Variants in MED13L observed in about 807,000 individuals in gnomAD.
MED13L encodes the protein mediator complex subunit 13L.
A neutral mutation model predicts 220.9 loss-of-function variants in MED13L; 7 were observed. The ratio of observed to expected loss-of-function variants is 0.03; its 90% CI spans 0.02 to 0.06. The LOEUF (loss-of-function observed/expected upper bound fraction) is 0.06, where lower values mean the gene tolerates loss of function less well. Among genes scored for constraint, MED13L ranks in the 10% least tolerant of loss-of-function variants. MED13L has a pLI of 1.00. For missense variants in MED13L, 1,965 were observed against 2,760.5 expected (o/e 0.71, Z 6.46); for synonymous variants, 1,011 against 1,015.2 (o/e 1.00, Z 0.08).
chr12:116,276,199 G>A (rs925681909), intron 1 of MED13L, among the ~76,000 whole-genome samples: 1 of 152,082 alleles, frequency 6.6e-6, no homozygotes, highest in Non-Finnish European at 1.5e-5. Flanking sequence ...CAAGATTAAG[G>A]CAGGCGATTC....
At chr12:116,151,231 T>C (rs955392186) in intron 2 of MED13L, among the ~76,000 whole-genome samples, 21 of 152,110 alleles carry the variant, frequency 1.4e-4, no homozygotes, top group African/African-American at 4.8e-4. Flanking sequence ...TTATTGAAAA[T>C]AAATGTGTAT....
At chr12:115,978,077 T>C (rs919849194) in intron 23 of MED13L, among the ~76,000 whole-genome samples, 4 of 151,902 alleles carry the variant, frequency 2.6e-5, no homozygotes, top group Non-Finnish European at 4.4e-5. Flanking sequence ...AATTAGACCC[T>C]GTCTAAAAAA....
At position 115,991,029 on chromosome 12, in the gene MED13L, G is replaced by A. The variant is rs772269374; in HGVS notation, c.3925C>T (p.His1309Tyr). Reference protein sequence around the residue: ...VRSATVHSWPHSNVLDISMLS... With the variant: ...VRSATVHSWPYSNVLDISMLS... ...GTTCTGGGACACCTACCATTGCTGT[G>A]AGGCCAAGAGTGCACAGTGGCACTT... Residue 1309 changes from histidine to tyrosine, a missense_variant, in exon 17 of 31, where the codon CAC becomes TAC. Around this residue, in one of 10 missense-constraint regions of MED13L, gnomAD observed 165 missense variants for 190.8 expected, o/e 0.86. Transcript: ENST00000281928. This position sits in a 1 kb window ranked among gnomAD's most constrained non-coding sequence, Gnocchi z 7.7. 1.2e-6 allele frequency: 2 copies of A among 1,613,864 alleles called. No individual in the cohort carries two copies. The highest frequency in any genetic ancestry group is 2.7e-5 in the African/African-American group (2 of 75,036).
At chr12:116,016,535 T>C (rs1211995814) in intron 7 of MED13L, among the ~76,000 whole-genome samples, 3 of 152,272 alleles carry the variant, frequency 2.0e-5, no homozygotes, top group Non-Finnish European at 4.4e-5. Context: ...GTAGATAACA[T>C]AGACCTTCTC....
Position 116,008,248 on chromosome 12 carries a change from G to A in MED13L, c.2012+153C>T, listed in dbSNP as rs1235157046. Reference sequence around the variant, plus strand: ...TGTGCTAACCTATAAGTAGGACAAAGCATTTGACCATTAAACATTTTCCAT... The same window carrying A: ...TGTGCTAACCTATAAGTAGGACAAAACATTTGACCATTAAACATTTTCCAT... On this transcript the variant is annotated intron_variant, in intron 10 of 30. Coordinates refer to ENST00000281928, the MANE Select transcript of MED13L (RefSeq NM_015335.5). 9 of 1,079,978 alleles carry A rather than the reference G, an allele frequency of 8.3e-6. No homozygotes were observed. The South Asian group carries it at 1.0e-4, about 12-fold the overall frequency. 66.9% of individuals were successfully genotyped at this position (1,079,978 alleles called of 1,614,324 possible). A position where few individuals can be genotyped will look rare whatever the true frequency, so the allele number is the denominator to read the frequency against.
chr12:116,028,286 G>A (rs992110764), intron 4 of MED13L, among the ~76,000 whole-genome samples: 3 of 152,120 alleles, frequency 2.0e-5, no homozygotes, highest in Non-Finnish European at 2.9e-5. Flanking sequence ...CATGAGAAGT[G>A]GGAGGTAAAT....
intron 2 of MED13L, among the ~76,000 whole-genome samples, chr12:116,125,246 G>A (rs1875478393): frequency 6.6e-6 from 1 of 152,206 alleles, no homozygotes; most frequent in African/African-American, 2.4e-5. Context: ...TGAGGTGGGA[G>A]GACACATGAG....
At chr12:116,241,299 G>A (rs116184232) in intron 1 of MED13L, among the ~76,000 whole-genome samples, 291 of 145,568 alleles carry the variant, frequency 2.0e-3, no homozygotes, top group African/African-American at 7.1e-3. Flanking sequence ...ATGAGGCTCC[G>A]TCTCTTTAAA....
At chr12:116,206,049 T>C (rs1015323488) in intron 2 of MED13L, among the ~76,000 whole-genome samples, 1 of 148,640 alleles carries the variant, frequency 6.7e-6, no homozygotes, top group Non-Finnish European at 1.5e-5. Context: ...CTTCAGCGGA[T>C]ATAGAGATAC....
At chr12:116,032,777 G>A (rs754865863) in intron 4 of MED13L, among the ~76,000 whole-genome samples, 1 of 152,078 alleles carries the variant, frequency 6.6e-6, no homozygotes, top group Non-Finnish European at 1.5e-5. Flanking sequence ...AGTGCTCAGA[G>A]GTTCTGTGCA....
intron 8 of MED13L, among the ~76,000 whole-genome samples, chr12:116,014,681 A>T (rs1879616339): frequency 6.6e-6 from 1 of 152,164 alleles, no homozygotes; most frequent in Non-Finnish European, 1.5e-5. Flanking sequence ...TAGTTCAAAA[A>T]TGTATTGTTA....
chr12:116,089,738 A>AT (rs1872023310), intron 4 of MED13L, among the ~76,000 whole-genome samples: 1 of 152,224 alleles, frequency 6.6e-6, no homozygotes, highest in Non-Finnish European at 1.5e-5. Flanking sequence ...TAGTAATAGC[A>AT]TAAAAACAGG....
chr12:116,192,766 T>C (rs78083647), intron 2 of MED13L, among the ~76,000 whole-genome samples: 2,916 of 152,218 alleles, frequency 0.019, 55 homozygotes, highest in Non-Finnish European at 0.031. Flanking sequence ...GCAGGAAGAC[T>C]GCTTTAGTTC....
chr12:116,144,182 T>C (rs577261309), intron 2 of MED13L, among the ~76,000 whole-genome samples: 3 of 152,220 alleles, frequency 2.0e-5, no homozygotes, highest in Non-Finnish European at 4.4e-5. Context: ...CATTAACTCA[T>C]GTGATTCCAT....
chr12:116,124,400 A>G (rs893800888), intron 2 of MED13L, among the ~76,000 whole-genome samples: 2 of 152,224 alleles, frequency 1.3e-5, no homozygotes, highest in African/African-American at 4.8e-5. Context: ...TCACTGAAAC[A>G]GTAATGACTA....
chr12:116,012,765 T>C (rs1566010074), intron 9 of MED13L, 32 bp downstream of exon 9: 3 of 1,437,276 alleles, frequency 2.1e-6, no homozygotes, highest in Non-Finnish European at 2.0e-6. Context: ...CATCATTCGA[T>C]CCATTACTAT....
chr12:116,144,913 T>A (rs1419043655), intron 2 of MED13L, among the ~76,000 whole-genome samples: 1 of 152,266 alleles, frequency 6.6e-6, no homozygotes, highest in Non-Finnish European at 1.5e-5. Context: ...GCATCACTTG[T>A]ACTGTTTCTG....
chr12:116,252,372 C>A (rs924607075), intron 1 of MED13L, among the ~76,000 whole-genome samples: 2 of 151,848 alleles, frequency 1.3e-5, no homozygotes, highest in Non-Finnish European at 2.9e-5. Context: ...AAAACTTTGT[C>A]TCTACTAAAA....
intron 2 of MED13L, chr12:116,230,315 G>C (rs896004819): frequency 1.7e-5 from 3 of 179,720 alleles, no homozygotes; most frequent in African/African-American, 7.2e-5. Context: ...CAGGAGAATC[G>C]CTTGAACCAG....
Sources: gnomAD v4.1 joint callset for allele counts (sites outside exome capture counted in the v4.1 genomes callset) on GRCh38, gnomAD v4.1.1 for gene constraint, gnomAD v4.1.1 regional missense constraint, Gnocchi (gnomAD v3.1) non-coding constraint, MANE v1.5 for transcripts, NCBI Gene and HGNC (gene_info 2026-07-23, HGNC 2026-07-21) for gene names.